Variants in ICE1 observed in about 807,000 individuals in gnomAD.
The protein encoded by ICE1 is little elongation complex subunit 1.
A neutral mutation model predicts 192.7 loss-of-function variants in ICE1; 64 were observed. The observed-to-expected ratio is 0.33, with a 90% CI of 0.27 to 0.41. ICE1 has a LOEUF of 0.41. ICE1 is among the 10% of genes least tolerant of loss of function. The probability of loss-of-function intolerance (pLI) is 1.00; values close to 1 mark genes in which losing one functional copy is unlikely to be tolerated. For missense variants in ICE1, 2,708 were observed against 2,696.0 expected (o/e 1.00, Z -0.10); for synonymous variants, 1,010 against 984.5 (o/e 1.03, Z -0.49).
chr5:5,429,031 G>A lies in ICE1; in HGVS notation c.84+6032G>A, dbSNP rs145670796. ...GCATACAGAGTGAAGTCAGTAAAGG[G>A]AAAAGGCATATGGGGCAAAGTCTGG... On this transcript the variant is annotated intron_variant, in intron 1 of 18. Coordinates refer to ENST00000296564, the MANE Select transcript of ICE1 (RefSeq NM_015325.3). 4.5e-4 allele frequency among the ~76,000 whole-genome samples: 69 copies of A among 152,292 alleles called. 1 individual carries two copies. The East Asian group carries it at 0.013, about 29-fold the overall frequency.
At position 5,473,602 on chromosome 5, in the gene ICE1, G is replaced by T; in HGVS notation, c.6267G>T (p.Leu2089Phe). The T allele has an allele frequency of 1.2e-6, 2 of 1,612,950 alleles. No homozygotes were observed. The highest frequency in any genetic ancestry group is 2.2e-5 in the South Asian group (2 of 90,732). Residue 2089 changes from leucine (L) to phenylalanine (F), a missense_variant, in exon 16 of 19, where the codon TTG becomes TTT. Coordinates refer to ENST00000296564, the MANE Select transcript of ICE1 (RefSeq NM_015325.3). ...GCTTCATGGTTTCTAAGCTGCTTTT[G>T]ACCATACAGTTATGTCCAAAAACAG... is the stretch of plus-strand genomic sequence containing the variant. The part of the protein sequence containing the change: ...DVGFMVSKLL[L>F]TIQLCPKTEF...
At chr5:5,480,169 T>G (rs565241184) in intron 17 of ICE1, among the ~76,000 whole-genome samples, 10 of 152,322 alleles carry the variant, frequency 6.6e-5, no homozygotes, top group African/African-American at 1.9e-4. Flanking sequence ...TAAAACAAGC[T>G]TCATCCAATT....
At position 5,422,680 on chromosome 5, in the gene ICE1, C is replaced by T. The variant is rs1406728183; in HGVS notation, c.-236C>T. 2 of 320,542 alleles carry T rather than the reference C, an allele frequency of 6.2e-6. No individual in the cohort carries two copies. The allele number at this position is 320,542 out of a possible 1,614,324, so 19.9% of individuals were successfully genotyped here. On this transcript the variant is annotated 5_prime_UTR_variant, in exon 1 of 19. Transcript: ENST00000296564. Reference sequence around the variant, plus strand: ...AGGGCGGGGCGGGGCCCTGACTGGACTGCGTCGCGCTCGGGGGCCGCGCCG... The same window carrying T: ...AGGGCGGGGCGGGGCCCTGACTGGATTGCGTCGCGCTCGGGGGCCGCGCCG...
In ICE1 at chr5:5,422,785, G is replaced by T; in HGVS notation, c.-131G>T. The T allele has an allele frequency of 1.9e-6, 1 of 537,830 alleles. No individual in the cohort carries two copies. Among genetic ancestry groups the T allele is most frequent in the Non-Finnish European group, 2.8e-6 (1 of 360,296 alleles). 33.3% of individuals were successfully genotyped at this position (537,830 alleles called of 1,614,324 possible). ...AGCCCCACGGGGACCTCTGTGCACG[G>T]ATGGACCCGCCCGGACCTGGCGGGA... On this transcript the variant is annotated 5_prime_UTR_variant, in exon 1 of 19. Transcript: ENST00000296564.
In ICE1 at chr5:5,443,061, C is replaced by G. The variant is rs1355728417; in HGVS notation, c.310-107C>G. On this transcript the variant is annotated intron_variant, in intron 5 of 18. Transcript: ENST00000296564. Reference sequence around the variant, plus strand: ...AATATTCAGTGACTATTTTTTCTGCCTAATGTCTGTTTATTTGGTTAATAG... The same window carrying G: ...AATATTCAGTGACTATTTTTTCTGCGTAATGTCTGTTTATTTGGTTAATAG... 3 of 613,820 alleles carry G rather than the reference C, an allele frequency of 4.9e-6. No individual in the cohort carries two copies. In the African/African-American group the frequency reaches 5.9e-5, roughly 12 times the overall value. 38.0% of individuals were successfully genotyped at this position (613,820 alleles called of 1,614,324 possible). A position where few individuals can be genotyped will look rare whatever the true frequency, so the allele number is the denominator to read the frequency against.
chr5:5,427,834 G>A lies in ICE1; in HGVS notation c.84+4835G>A, dbSNP rs958384503. 2.6e-5 allele frequency among the ~76,000 whole-genome samples: 4 copies of A among 152,176 alleles called. No individual in the cohort carries two copies. In the East Asian group the frequency reaches 7.7e-4, roughly 29 times the overall value. ...AAGAGGCATGGAGCTCATTCTTGTT[G>A]AGGTTACAGTTAAGTAGAAAAGCAA... On this transcript the variant is annotated intron_variant, in intron 1 of 18. Coordinates refer to ENST00000296564, the MANE Select transcript of ICE1 (RefSeq NM_015325.3).
intron 1 of ICE1, among the ~76,000 whole-genome samples, chr5:5,433,710 G>A (rs900018460): frequency 6.6e-6 from 1 of 152,052 alleles, no homozygotes; most frequent in South Asian, 2.1e-4. Context: ...TCTAAATAAG[G>A]TCATTCTAAA....
chr5:5,431,795 A>C (rs1737718438), intron 1 of ICE1, among the ~76,000 whole-genome samples: 1 of 151,294 alleles, frequency 6.6e-6, no homozygotes, highest in African/African-American at 2.4e-5. Flanking sequence ...TCAATTAGAA[A>C]TTTCTAGATT....
chr5:5,429,547 G>C (rs115671131), intron 1 of ICE1, among the ~76,000 whole-genome samples: 128 of 152,352 alleles, frequency 8.4e-4, no homozygotes, highest in African/African-American at 2.9e-3. Flanking sequence ...TAGTGCTGAA[G>C]TTAAGAAACT....
At chr5:5,469,945 T>C (rs1203225698) in intron 15 of ICE1, among the ~76,000 whole-genome samples, 1 of 152,110 alleles carries the variant, frequency 6.6e-6, no homozygotes, top group Non-Finnish European at 1.5e-5. Context: ...ATATATCTGC[T>C]CCAGAGGGCT....
chr5:5,423,028 G>GT (rs1737360246), intron 1 of ICE1, 29 bp downstream of exon 1: 1 of 1,296,568 alleles, frequency 7.7e-7, no homozygotes, highest in African/African-American at 1.5e-5. Flanking sequence ...CCCCGGGCGC[G>GT]GGGGGGGACT....
chr5:5,430,735 C>T (rs942117703), intron 1 of ICE1, among the ~76,000 whole-genome samples: 1 of 152,192 alleles, frequency 6.6e-6, no homozygotes, highest in Non-Finnish European at 1.5e-5. Flanking sequence ...CTTCTTTCTC[C>T]ATTTGTTCAG....
chr5:5,461,832 C>G lies in ICE1; in HGVS notation c.2498C>G (p.Pro833Arg). ...MPFLQNRGPT[P>R]KPDLLRENNN... is the part of the protein sequence containing the mutation. The stretch of plus-strand genomic sequence containing the variant: ...TTCCTACAAAATAGAGGACCAACAC[C>G]CAAGCCTGATCTTCTTAGAGAAAAT... The change falls in exon 13 of 19, where the codon CCC becomes CGC. Residue 833 changes from proline (P) to arginine (R), a missense_variant. Around this residue, in one of 2 missense-constraint regions of ICE1, gnomAD observed 2,366 missense variants for 2,276.6 expected, o/e 1.04. Transcript: ENST00000296564. 1 of 1,613,990 alleles carries G rather than the reference C, an allele frequency of 6.2e-7. No homozygotes were observed. The highest frequency in any genetic ancestry group is 8.5e-7 in the Non-Finnish European group (1 of 1,179,886).
intron 10 of ICE1, among the ~76,000 whole-genome samples, 189 bp from the exon 11 acceptor site, chr5:5,454,363 A>G (rs1433244210): frequency 6.6e-6 from 1 of 152,138 alleles, no homozygotes; most frequent in Non-Finnish European, 1.5e-5. Context: ...TCAGCCTTCA[A>G]TTTTTAGCTT....
At chr5:5,478,573 AC>A (rs1178259671) in intron 17 of ICE1, among the ~76,000 whole-genome samples, 4 of 152,216 alleles carry the variant, frequency 2.6e-5, no homozygotes, top group Non-Finnish European at 4.4e-5. Context: ...GCTACCACTG[AC>A]TTTCTTCGCA....
chr5:5,448,935 G>GTCTTACTA (rs1221657955), intron 10 of ICE1, among the ~76,000 whole-genome samples: 2 of 152,194 alleles, frequency 1.3e-5, no homozygotes, highest in Non-Finnish European at 2.9e-5. Context: ...TTAAGTAATA[G>GTCTTACTA]TTACTGCTGA....
rs76392360 is a variant in ICE1, at chr5:5,486,813, G to A, written c.6613G>A (p.Asp2205Asn). ...TGGTATGTTTATACAGCATGCTCACGATGAAGGTAAAACTTACATCTATTA... is the reference window on the plus strand; with the variant it reads ...TGGTATGTTTATACAGCATGCTCACAATGAAGGTAAAACTTACATCTATTA... Reference protein sequence around the residue: ...VIGMFIQHAHDEDIPWGIQLA... With the variant: ...VIGMFIQHAHNEDIPWGIQLA... The change falls in exon 18 of 19, where the codon GAT becomes AAT. Residue 2205 changes from aspartate (D) to asparagine (N), a missense_variant. Transcript: ENST00000296564. 94 of 1,587,266 alleles carry A rather than the reference G, an allele frequency of 5.9e-5. 2 individuals are homozygous for A. In the East Asian group the frequency reaches 1.1e-3, roughly 19 times the overall value.
intron 5 of ICE1, among the ~76,000 whole-genome samples, chr5:5,442,705 C>A (rs1348884223): frequency 6.6e-6 from 1 of 152,200 alleles, no homozygotes; most frequent in African/African-American, 2.4e-5. Context: ...CTAGAACTCT[C>A]AATAACAGTG....
intron 17 of ICE1, among the ~76,000 whole-genome samples, chr5:5,478,254 C>T (rs1579578715): frequency 6.6e-6 from 1 of 152,368 alleles, no homozygotes; most frequent in East Asian, 1.9e-4. Context: ...TAAGCAGCTT[C>T]AGCAAAGTCT....
Sources: allele counts gnomAD v4.1 joint callset (sites outside exome capture counted in the v4.1 genomes callset), GRCh38; gene constraint gnomAD v4.1.1; regional missense constraint gnomAD v4.1.1; transcripts MANE v1.5; gene names NCBI Gene and HGNC (gene_info 2026-07-23, HGNC 2026-07-21).